KIRREL3: variants seen among roughly 807,000 people sequenced by gnomAD.
KIRREL3 encodes the protein kin of IRRE-like protein 3.
KIRREL3 carries 36 observed loss-of-function variants against 89.7 expected under a neutral mutation model. That is an observed-to-expected ratio of 0.40 (90% CI 0.31 to 0.53). The LOEUF (loss-of-function observed/expected upper bound fraction) is 0.53, where lower values mean the gene tolerates loss of function less well. Ranked by LOEUF, KIRREL3 falls within the 20% of genes least tolerant of loss-of-function variation. The pLI, the probability that KIRREL3 is intolerant of heterozygous loss-of-function variation, is 0.49. For synonymous variants in KIRREL3, 445 were observed against 441.4 expected (o/e 1.01, Z -0.10); for missense variants, 864 against 1,056.6 (o/e 0.82, Z 2.53).
At chr11:126,670,604 G>A (rs905940372) in intron 1 of KIRREL3, among the ~76,000 whole-genome samples, 1 of 152,160 alleles carries the variant, frequency 6.6e-6, no homozygotes, top group Non-Finnish European at 1.5e-5. Flanking sequence ...CAAGATTGTA[G>A]GATACAAGGT....
rs1362459567 is a variant in KIRREL3 at position 126,965,198 on chromosome 11, C to A, written c.55+35257G>T. Among the ~76,000 whole-genome samples, 1 of 152,218 alleles carries A rather than the reference C, an allele frequency of 6.6e-6. No homozygotes were observed. Among genetic ancestry groups the A allele is most frequent in the East Asian group, 1.9e-4 (1 of 5,200 alleles). ...GTCTACAGAACAGTGTCTTAATTAA[C>A]ATTCCTGGTCAAATTAATAAGTCCA... On this transcript the variant is annotated intron_variant, in intron 1 of 16. Coordinates refer to ENST00000525144, the MANE Select transcript of KIRREL3 (RefSeq NM_032531.4). The surrounding 1 kb of genome is among the most constrained non-coding windows in gnomAD (Gnocchi z 4.4).
chr11:126,990,268 T>G lies in KIRREL3; in HGVS notation c.55+10187A>C, dbSNP rs1949993017. ...AGCTCTCTCAAGCCCCTCTGAGCAT[T>G]TGCAATTGTACCCCCTTAGCTGCTG... On this transcript the variant is annotated intron_variant, in intron 1 of 16. Transcript: ENST00000525144. This position sits in a 1 kb window ranked among gnomAD's most constrained non-coding sequence, Gnocchi z 6.3. Among the ~76,000 whole-genome samples the G allele has an allele frequency of 6.6e-6, 1 of 152,128 alleles. No homozygotes were observed. Among genetic ancestry groups the G allele is most frequent in the South Asian group, 2.1e-4 (1 of 4,822 alleles).
At chr11:126,899,271 T>G (rs1263105959) in intron 1 of KIRREL3, among the ~76,000 whole-genome samples, 6 of 152,166 alleles carry the variant, frequency 3.9e-5, no homozygotes, top group African/African-American at 1.4e-4. Context: ...CCTGCCTGAA[T>G]GCTTTATAGC....
At position 126,998,291 on chromosome 11, in the gene KIRREL3, A is replaced by C. The variant is rs547741913; in HGVS notation, c.55+2164T>G. The stretch of plus-strand genomic sequence containing the variant: ...TATCACATTGCAGTGAAGTCCATAA[A>C]ACACCTTCCCACTTGATGGCTGGAC... On this transcript the variant is annotated intron_variant, in intron 1 of 16. Coordinates refer to ENST00000525144, the MANE Select transcript of KIRREL3 (RefSeq NM_032531.4). Among the ~76,000 whole-genome samples the C allele has an allele frequency of 3.9e-5, 6 of 152,182 alleles. No homozygotes were observed. The South Asian group carries it at 1.0e-3, about 26-fold the overall frequency.
intron 1 of KIRREL3, among the ~76,000 whole-genome samples, chr11:126,835,022 T>C (rs1306813089): frequency 6.6e-6 from 1 of 152,234 alleles, no homozygotes; most frequent in Admixed American, 6.5e-5. Flanking sequence ...ACTTCCCTAC[T>C]TTCCAGAACA....
At chr11:126,437,848 A>G (rs1955417303) in intron 11 of KIRREL3, among the ~76,000 whole-genome samples, 1 of 152,168 alleles carries the variant, frequency 6.6e-6, no homozygotes, top group Non-Finnish European at 1.5e-5. Context: ...TTCGCCATAC[A>G]CACCATCATG....
rs538152189 is a variant in KIRREL3, at chr11:126,528,264, C to T, written c.134-1577G>A. On this transcript the variant is annotated intron_variant, in intron 2 of 16. Transcript: ENST00000525144. The surrounding 1 kb of genome is among the most constrained non-coding windows in gnomAD (Gnocchi z 4.6). ...CGGGAGAGTCAGGGGCAGCCACAGA[C>T]GTCCTGGACACTGGCTGCTGCCCAT... 1.8e-4 allele frequency among the ~76,000 whole-genome samples: 27 copies of T among 152,356 alleles called. 1 individual carries two copies. The highest frequency in any genetic ancestry group is 1.0e-3 in the South Asian group (5 of 4,834).
At position 126,969,067 on chromosome 11, in the gene KIRREL3, G is replaced by A. The variant is rs942974083; in HGVS notation, c.55+31388C>T. 6.6e-5 allele frequency among the ~76,000 whole-genome samples: 10 copies of A among 152,268 alleles called. No homozygotes were observed. Among genetic ancestry groups the A allele is most frequent in the African/African-American group, 2.2e-4 (9 of 41,550 alleles). ...CAGAAGTAACACTTCAGGCGGGGGC[G>A]TCTGAGGTTCGCGTGTGAGGGAATC... On this transcript the variant is annotated intron_variant, in intron 1 of 16. Coordinates refer to ENST00000525144, the MANE Select transcript of KIRREL3 (RefSeq NM_032531.4). This position sits in a 1 kb window ranked among gnomAD's most constrained non-coding sequence, Gnocchi z 4.9.
chr11:126,860,971 T>A lies in KIRREL3; in HGVS notation c.55+139484A>T, dbSNP rs1352971254. 6.6e-6 allele frequency among the ~76,000 whole-genome samples: 1 copy of A among 152,190 alleles called. No individual in the cohort carries two copies. Among genetic ancestry groups the A allele is most frequent in the Non-Finnish European group, 1.5e-5 (1 of 68,034 alleles). On this transcript the variant is annotated intron_variant, in intron 1 of 16. Transcript: ENST00000525144. The surrounding 1 kb of genome is among the most constrained non-coding windows in gnomAD (Gnocchi z 4.6). The stretch of plus-strand genomic sequence containing the variant: ...CTACCAGAGGCAAACAAATTCTCCC[T>A]CCTTTGTGCCCTCCTGCTTTATGTG...
At chr11:126,979,547 G>C (rs921961866) in intron 1 of KIRREL3, among the ~76,000 whole-genome samples, 1 of 152,226 alleles carries the variant, frequency 6.6e-6, no homozygotes, top group African/African-American at 2.4e-5. Flanking sequence ...CTGACGCAGA[G>C]AGGTGGCTCT....
chr11:126,470,874 A>C (rs1352417193), intron 5 of KIRREL3, among the ~76,000 whole-genome samples: 1 of 152,244 alleles, frequency 6.6e-6, no homozygotes, highest in Non-Finnish European at 1.5e-5. Flanking sequence ...TGCAGACAAA[A>C]GAGGTTGGCC....
chr11:126,548,002 C>T (rs545372763), intron 2 of KIRREL3, among the ~76,000 whole-genome samples: 13 of 152,282 alleles, frequency 8.5e-5, no homozygotes, highest in East Asian at 3.9e-4. Context: ...CACTTTGTGA[C>T]GTGGTGAGGA....
rs765626065 is a variant in KIRREL3, at chr11:126,708,967, C to A, written c.56-146055G>T. Among the ~76,000 whole-genome samples the A allele has an allele frequency of 1.3e-5, 2 of 152,198 alleles. No individual in the cohort carries two copies. The highest frequency in any genetic ancestry group is 2.9e-5 in the Non-Finnish European group (2 of 68,038). On this transcript the variant is annotated intron_variant, in intron 1 of 16. Transcript: ENST00000525144. This position sits in a 1 kb window ranked among gnomAD's most constrained non-coding sequence, Gnocchi z 5.7. ...TTCTTCTCTATCCCACTATTACTGT[C>A]CTGATCCGTGCTAATCCAACAGTTT...
intron 1 of KIRREL3, among the ~76,000 whole-genome samples, chr11:126,964,693 A>C (rs1433106396): frequency 6.6e-6 from 1 of 152,164 alleles, no homozygotes; most frequent in Admixed American, 6.5e-5. Flanking sequence ...CTCAGAACGA[A>C]GGCAGCACAG....
At chr11:126,681,946 T>C (rs1228045226) in intron 1 of KIRREL3, 2 of 453,040 alleles carry the variant, frequency 4.4e-6, no homozygotes, top group Non-Finnish European at 8.9e-6. Context: ...CAGCAACAGA[T>C]TTTACACACA....
At chr11:126,735,566 G>C (rs146799001) in intron 1 of KIRREL3, among the ~76,000 whole-genome samples, 1 of 152,190 alleles carries the variant, frequency 6.6e-6, no homozygotes, top group Non-Finnish European at 1.5e-5. Context: ...AATGTGCGTC[G>C]GGGAATTGGG....
At chr11:126,538,118 A>T (rs1938061682) in intron 2 of KIRREL3, among the ~76,000 whole-genome samples, 1 of 152,186 alleles carries the variant, frequency 6.6e-6, no homozygotes, top group Admixed American at 6.5e-5. Flanking sequence ...AGAAACCTGC[A>T]TGGGTGGTGC....
chr11:126,617,838 C>T (rs1161279291), intron 1 of KIRREL3, among the ~76,000 whole-genome samples: 2 of 152,220 alleles, frequency 1.3e-5, no homozygotes, highest in Admixed American at 1.3e-4. Flanking sequence ...ATCTGTCTGA[C>T]TTCAAAATCA....
intron 1 of KIRREL3, among the ~76,000 whole-genome samples, chr11:126,923,131 CTTCTTCTT>C (rs1565422658): frequency 3.0e-5 from 1 of 32,862 alleles, no homozygotes; most frequent in African/African-American, 1.5e-4. Flanking sequence ...TCCTTCTTCT[CTTCTTCTT>C]CTTCTTCTTC....
Sources: gnomAD v4.1 joint callset for allele counts (sites outside exome capture counted in the v4.1 genomes callset) on GRCh38, gnomAD v4.1.1 for gene constraint, Gnocchi (gnomAD v3.1) non-coding constraint, MANE v1.5 for transcripts, NCBI Gene and HGNC (gene_info 2026-07-23, HGNC 2026-07-21) for gene names.